Variants in RASAL3 observed in about 807,000 individuals in gnomAD.
RASAL3 encodes the protein RAS protein activator like-3.
In RASAL3, 74 loss-of-function variants were observed where a neutral mutation model predicts 105.5. The observed-to-expected ratio is 0.70, with a 90% CI of 0.58 to 0.85. The LOEUF is 0.85. Among genes scored for constraint, RASAL3 ranks in the 40% least tolerant of loss-of-function variants. The pLI is 0.00. For synonymous variants in RASAL3, 579 were observed against 591.6 expected, an observed-to-expected ratio of 0.98 and a Z score of 0.31; for missense variants, 1,352 against 1,392.0, an observed-to-expected ratio of 0.97 and a Z score of 0.46.
In RASAL3 at chr19:15,461,260, C is replaced by T. The variant is rs372725125; in HGVS notation, c.502G>A (p.Glu168Lys). ...RRPRVGSASSEGSIHVAMGNF... is the reference protein window; with the variant it reads ...RRPRVGSASSKGSIHVAMGNF... The stretch of plus-strand genomic sequence containing the variant: ...CCCATGGCCACGTGGATGCTGCCCT[C>T]GGAGCTAGCACTTCCCACCCGGGGC... Residue 168 changes from glutamate (E) to lysine (K), a missense_variant, in exon 4 of 18, where the codon GAG (glutamate) becomes AAG (lysine). Physicochemically the swap from Glu to Lys is moderately conservative, Grantham distance 56. Around this residue, in one of 3 missense-constraint regions of RASAL3, gnomAD observed 344 missense variants for 339.6 expected, o/e 1.01. Coordinates refer to ENST00000343625, the MANE Select transcript of RASAL3 (RefSeq NM_022904.3). 20 of 1,613,748 alleles carry T rather than the reference C, an allele frequency of 1.2e-5. No homozygotes were observed. Among genetic ancestry groups the T allele is most frequent in the Admixed American group, 5.0e-5 (3 of 59,972 alleles).
Position 15,463,985 on chromosome 19 carries a change from C to T in RASAL3, c.328+46G>A, listed in dbSNP as rs1436973730. ...CCGGAGGCAGACAAAACCCAAGCAT[C>T]CGGCTTCCCAGCCCGGCCCAAGCTC... On this transcript the variant is annotated intron_variant, in intron 2 of 17. Coordinates refer to ENST00000343625, the MANE Select transcript of RASAL3 (RefSeq NM_022904.3). The T allele has an allele frequency of 2.0e-6, 3 of 1,490,818 alleles. No individual in the cohort carries two copies. In the African/African-American group the frequency reaches 4.2e-5, roughly 21 times the overall value. 92.3% of individuals were successfully genotyped at this position (1,490,818 alleles called of 1,614,324 possible).
rs115057414 is a variant in RASAL3 at position 15,463,673 on chromosome 19, T to C, written c.328+358A>G. On this transcript the variant is annotated intron_variant, in intron 2 of 17. Coordinates refer to ENST00000343625, the MANE Select transcript of RASAL3 (RefSeq NM_022904.3). ...GAACAAAGACACGGAAGCTAGAAGGTAGGAGAGTAGGAGGCAGGCTGAAGA... is the reference window on the plus strand; with the variant it reads ...GAACAAAGACACGGAAGCTAGAAGGCAGGAGAGTAGGAGGCAGGCTGAAGA... 9.5e-3 allele frequency among the ~76,000 whole-genome samples: 1,448 copies of C among 152,114 alleles called. 27 individuals are homozygous for C. The highest frequency in any genetic ancestry group is 0.033 in the African/African-American group (1,386 of 41,496).
At chr19:15,452,022 C>T (rs201303529) in intron 17 of RASAL3, 23 bp downstream of exon 17, 1 of 1,613,818 alleles carries the variant, frequency 6.2e-7, no homozygotes, top group Admixed American at 1.7e-5. Context: ...AGACCTGCCC[C>T]AGGGCTCAGA....
chr19:15,456,819 A>G lies in RASAL3; in HGVS notation c.1432-173T>C. 1.3e-6 allele frequency: 1 copy of G among 794,232 alleles called. No individual in the cohort carries two copies. Among genetic ancestry groups the G allele is most frequent in the Non-Finnish European group, 2.0e-6 (1 of 512,736 alleles). The allele number at this position is 794,232 out of a possible 1,614,324, so 49.2% of individuals were successfully genotyped here. On this transcript the variant is annotated intron_variant, in intron 9 of 17. Coordinates refer to ENST00000343625, the MANE Select transcript of RASAL3 (RefSeq NM_022904.3). This position sits in a 1 kb window ranked among gnomAD's most constrained non-coding sequence, Gnocchi z 4.4. ...CGAGGCCGGAACCTCTAACCCTCAC[A>G]GCAGAAATTTAAGCCTTTCAGCGCT...
intron 2 of RASAL3, among the ~76,000 whole-genome samples, chr19:15,462,554 T>C (rs114929233): frequency 6.6e-6 from 1 of 151,896 alleles, no homozygotes; most frequent in East Asian, 1.9e-4. Flanking sequence ...TTCCAGGAAA[T>C]AGGAGGGCTG....
In RASAL3 at chr19:15,452,725, C is replaced by T; in HGVS notation, c.2761G>A (p.Ala921Thr). The part of the protein sequence containing the change: ...LVESLSTQIR[A>T]LTEQQEQLRG... ...AGCTGCTCCTGCTGCTCCGTCAAGG[C>T]CCGGATTTGGGTGCTCAGCGACTCC... Residue 921 changes from alanine (A) to threonine (T), a missense_variant, in exon 16 of 18, where the codon GCC (alanine) becomes ACC (threonine). This residue lies in a region of RASAL3 where 920 missense variants were observed against 919.6 expected (regional missense o/e 1.00). Coordinates refer to ENST00000343625, the MANE Select transcript of RASAL3 (RefSeq NM_022904.3). 6.4e-7 allele frequency: 1 copy of T among 1,556,920 alleles called. No individual in the cohort carries two copies. The highest frequency in any genetic ancestry group is 8.7e-7 in the Non-Finnish European group (1 of 1,150,074).
chr19:15,464,220 C>T lies in RASAL3; in HGVS notation c.139G>A (p.Gly47Ser), dbSNP rs1173736774. The T allele has an allele frequency of 3.1e-6, 5 of 1,609,882 alleles. No homozygotes were observed. The East Asian group carries it at 8.9e-5, about 29-fold the overall frequency. ...GGCTCCTGGTGGCTCAGGGCCCTGCCCCAGCCAGCAAAGCGGCCCCAGCGG... is the reference window on the plus strand; with the variant it reads ...GGCTCCTGGTGGCTCAGGGCCCTGCTCCAGCCAGCAAAGCGGCCCCAGCGG... ...GFRWGRFAGW[G>S]RALSHQEPMV... Residue 47 changes from glycine to serine, a missense_variant, in exon 2 of 18, where the codon GGC becomes AGC. Around this residue, in one of 3 missense-constraint regions of RASAL3, gnomAD observed 344 missense variants for 339.6 expected, o/e 1.01. Coordinates refer to ENST00000343625, the MANE Select transcript of RASAL3 (RefSeq NM_022904.3).
At position 15,464,521 on chromosome 19, in the gene RASAL3, G is replaced by C. The variant is rs1397718747; in HGVS notation, c.-36C>G. ...CTCCCTTACCTTGGTTTCCTGACCA[G>C]CCCCAGAATCAGCAGCCGTCTGCAC... On this transcript the variant is annotated 5_prime_UTR_variant, in exon 1 of 18. Coordinates refer to ENST00000343625, the MANE Select transcript of RASAL3 (RefSeq NM_022904.3). 2.8e-6 allele frequency: 2 copies of C among 723,416 alleles called. No individual in the cohort carries two copies. The highest frequency in any genetic ancestry group is 4.5e-6 in the Non-Finnish European group (2 of 447,824). 44.8% of individuals were successfully genotyped at this position (723,416 alleles called of 1,614,324 possible).
rs749804279 is a variant in RASAL3 at position 15,464,096 on chromosome 19, G to A, written c.263C>T (p.Ala88Val). Residue 88 changes from alanine to valine, a missense_variant, in exon 2 of 18, where the codon GCC becomes GTC. Coordinates refer to ENST00000343625, the MANE Select transcript of RASAL3 (RefSeq NM_022904.3). Reference sequence around the variant, plus strand: ...TGGGTTCTTATGCCTCCCCCAGAGGGCCTTGGAGAGTCGAAGGCGACTGGT... The same window carrying A: ...TGGGTTCTTATGCCTCCCCCAGAGGACCTTGGAGAGTCGAAGGCGACTGGT... ...SRTSRLRLSK[A>V]LWGRHKNPPP... 8 of 1,611,920 alleles carry A rather than the reference G, an allele frequency of 5.0e-6. No homozygotes were observed. In the South Asian group the frequency reaches 7.7e-5, roughly 16 times the overall value.
At chr19:15,458,679 A>G (rs1217502315) in intron 6 of RASAL3, 24 bp from the exon 7 acceptor site, 1 of 1,606,478 alleles carries the variant, frequency 6.2e-7, no homozygotes, top group Non-Finnish European at 8.5e-7. Flanking sequence ...GGGTGAGCAC[A>G]CCGTCATTCC....
Position 15,456,577 on chromosome 19 carries a change from C to T in RASAL3, c.1501G>A (p.Glu501Lys). The change falls in exon 10 of 18, where the codon GAA (glutamate) becomes AAA (lysine). Residue 501 changes from glutamate (E) to lysine (K), a missense_variant. Glu to Lys is a moderately conservative substitution (Grantham distance 56, BLOSUM62 1). Around this residue, in one of 3 missense-constraint regions of RASAL3, gnomAD observed 920 missense variants for 919.6 expected, o/e 1.00. Coordinates refer to ENST00000343625, the MANE Select transcript of RASAL3 (RefSeq NM_022904.3). This position sits in a 1 kb window ranked among gnomAD's most constrained non-coding sequence, Gnocchi z 4.4. ...CGGREALLFR[E>K]NTLATKAIDE... ...ATAGCCTTGGTGGCCAATGTGTTTT[C>T]CCGGAACAGCAGCGCCTCACGGCCT... The T allele has an allele frequency of 1.2e-6, 2 of 1,613,724 alleles. No individual in the cohort carries two copies. The highest frequency in any genetic ancestry group is 1.7e-6 in the Non-Finnish European group (2 of 1,179,792).
chr19:15,456,844 T>G lies in RASAL3; in HGVS notation c.1432-198A>C, dbSNP rs543312676. 108 of 671,102 alleles carry G rather than the reference T, an allele frequency of 1.6e-4. 2 individuals are homozygous for G. The South Asian group carries it at 1.7e-3, about 11-fold the overall frequency. The allele number at this position is 671,102 out of a possible 1,614,324, so 41.6% of individuals were successfully genotyped here. ...AGCAGAAATTTAAGCCTTTCAGCGC[T>G]GAGGTGCAACCTGGGCCCCGCCCCT... On this transcript the variant is annotated intron_variant, in intron 9 of 17. Coordinates refer to ENST00000343625, the MANE Select transcript of RASAL3 (RefSeq NM_022904.3). This position sits in a 1 kb window ranked among gnomAD's most constrained non-coding sequence, Gnocchi z 4.4.
intron 2 of RASAL3, among the ~76,000 whole-genome samples, chr19:15,462,485 C>CAAAACAAAAACAAAAACAAAAACA (rs148793585): frequency 0.01 from 1,513 of 149,482 alleles, 33 homozygotes; most frequent in African/African-American, 0.034. Context: ...GACTGTGTCT[C>CAAAACAAAAACAAAAACAAAAACA]AAAACAAAAA....
intron 16 of RASAL3, 84 bp downstream of exon 16, chr19:15,452,574 T>C: frequency 1.2e-6 from 1 of 801,488 alleles, no homozygotes; most frequent in Non-Finnish European, 1.6e-6. Flanking sequence ...TAGGCGTGGT[T>C]TGGGGGGGGG....
At chr19:15,452,464 C>A in intron 16 of RASAL3, 194 bp downstream of exon 16, 2 of 607,860 alleles carry the variant, frequency 3.3e-6, no homozygotes, top group Admixed American at 3.0e-5. Flanking sequence ...GGGTCCTAGG[C>A]CGACCTTCGT....
At chr19:15,452,527 C>A in intron 16 of RASAL3, 131 bp downstream of exon 16, 1 of 787,784 alleles carries the variant, frequency 1.3e-6, no homozygotes, top group Non-Finnish European at 1.9e-6. Context: ...CCTGGACAGA[C>A]TTATTGGGGC....
chr19:15,461,349 G>A (rs1970503316), intron 3 of RASAL3, 53 bp from the exon 4 acceptor site: 20 of 1,580,310 alleles, frequency 1.3e-5, no homozygotes, highest in Non-Finnish European at 1.6e-5. Flanking sequence ...CAGGCAGGCA[G>A]GCAGGCAGAC....
At chr19:15,455,463 G>T (rs1970287608) in intron 11 of RASAL3, among the ~76,000 whole-genome samples, 1 of 152,136 alleles carries the variant, frequency 6.6e-6, no homozygotes, top group African/African-American at 2.4e-5. Context: ...TCATAGGATT[G>T]AGGTCCTATG....
chr19:15,452,424 G>T, intron 16 of RASAL3: 1 of 594,980 alleles, frequency 1.7e-6, no homozygotes, highest in Non-Finnish European at 3.0e-6. Context: ...GGCTGATGGA[G>T]GGGTGGGGCC....
Sources: gnomAD v4.1 joint callset for allele counts (sites outside exome capture counted in the v4.1 genomes callset) on GRCh38, gnomAD v4.1.1 for gene constraint, gnomAD v4.1.1 regional missense constraint, Gnocchi (gnomAD v3.1) non-coding constraint, MANE v1.5 for transcripts, NCBI Gene and HGNC (gene_info 2026-07-23, HGNC 2026-07-21) for gene names.